The following PDE4A variants were observed in gnomAD, a reference collection of about 807,000 sequenced individuals.
The protein encoded by PDE4A is 3',5'-cyclic-AMP phosphodiesterase 4A.
Under a neutral mutation model 73.9 loss-of-function variants are expected in PDE4A, and 21 were observed. That is an observed-to-expected ratio of 0.28 (90% CI 0.20 to 0.41). PDE4A has a LOEUF of 0.41. PDE4A is among the 10% of genes least tolerant of loss of function. PDE4A has a pLI of 1.00. For synonymous variants in PDE4A, 463 were observed against 505.4 expected, an observed-to-expected ratio of 0.92 and a Z score of 1.13; for missense variants, 958 against 1,211.4, an observed-to-expected ratio of 0.79 and a Z score of 3.10.
upstream of PDE4A, chr19:10,417,966 C>A: frequency 7.4e-7 from 1 of 1,348,636 alleles, no homozygotes; most frequent in Non-Finnish European, 1.0e-6. Context: ...ATGCTCCCTG[C>A]CGTTTGCAAA....
Position 10,461,657 on chromosome 19 carries a change from C to T in PDE4A, c.1597C>T (p.Leu533=), listed in dbSNP as rs1411797345. The change falls in exon 12 of 15, where the codon CTA becomes TTA. Residue 533 remains leucine (L), a synonymous_variant. Coordinates refer to ENST00000380702, the MANE Select transcript of PDE4A (RefSeq NM_001111307.2). ...CCTCAGCAAGCGCCAGCGGCAGAGCCTACGCAAGATGGTCATCGACATGGT... is the reference window on the plus strand; with the variant it reads ...CCTCAGCAAGCGCCAGCGGCAGAGCTTACGCAAGATGGTCATCGACATGGT... The part of the protein sequence containing the change: ...QNLSKRQRQS[L]RKMVIDMVLA... The T allele has an allele frequency of 1.9e-6, 3 of 1,545,550 alleles. 1 individual carries two copies. In the South Asian group the frequency reaches 3.3e-5, roughly 17 times the overall value.
intron 1 of PDE4A, among the ~76,000 whole-genome samples, chr19:10,445,757 C>T (rs187850968): frequency 7.0e-5 from 10 of 142,306 alleles, no homozygotes; most frequent in African/African-American, 1.3e-4. Flanking sequence ...GGCCACAGAG[C>T]GAGACCATAC....
chr19:10,426,136 G>A (rs114693890), intron 1 of PDE4A, among the ~76,000 whole-genome samples: 3,295 of 152,078 alleles, frequency 0.022, 118 homozygotes, highest in African/African-American at 0.074. Context: ...TTTGAGACCA[G>A]CCTGGGCAGC....
chr19:10,468,280 T>A lies in PDE4A; in HGVS notation c.*659T>A, dbSNP rs1318190328. 6.6e-6 allele frequency: 1 copy of A among 152,440 alleles called. No individual in the cohort carries two copies. The highest frequency in any genetic ancestry group is 1.5e-5 in the Non-Finnish European group (1 of 67,992). 9.4% of individuals were successfully genotyped at this position (152,440 alleles called of 1,614,324 possible). Reference sequence around the variant, plus strand: ...ATCCCGGCGATACTCCTGGCGATACTGACTAGAAAGTCAGGGAGCTGGGGG... The same window carrying A: ...ATCCCGGCGATACTCCTGGCGATACAGACTAGAAAGTCAGGGAGCTGGGGG... On this transcript the variant is annotated 3_prime_UTR_variant, in exon 15 of 15. Transcript: ENST00000380702.
chr19:10,456,131 C>T (rs991972265), intron 7 of PDE4A, among the ~76,000 whole-genome samples: 12 of 151,906 alleles, frequency 7.9e-5, no homozygotes, highest in African/African-American at 2.2e-4. Flanking sequence ...CAGCTCTTGC[C>T]TATAATCCCA....
At chr19:10,433,467 C>T (rs1742240904) in intron 1 of PDE4A, among the ~76,000 whole-genome samples, 1 of 152,050 alleles carries the variant, frequency 6.6e-6, no homozygotes, top group African/African-American at 2.4e-5. Context: ...CACCCCGTGC[C>T]CACACAGGGG....
intron 1 of PDE4A, among the ~76,000 whole-genome samples, chr19:10,434,735 C>T (rs777366996): frequency 8.6e-5 from 13 of 151,862 alleles, no homozygotes; most frequent in East Asian, 1.9e-4. Flanking sequence ...GGATTACAAG[C>T]GCCCCGCCAC....
Position 10,420,734 on chromosome 19 carries a change from GC to G in PDE4A, c.-26del. 6.6e-7 allele frequency: 1 copy of G among 1,507,082 alleles called. No individual in the cohort carries two copies. The highest frequency in any genetic ancestry group is 1.3e-5 in the South Asian group (1 of 78,256). The allele number at this position is 1,507,082 out of a possible 1,614,324, so 93.4% of individuals were successfully genotyped here. A position where few individuals can be genotyped will look rare whatever the true frequency, so the allele number is the denominator to read the frequency against. ...CGGGGTGTAGGTTGGAAGGGCCAGG[GC>G]CCCCTGGGGCGCAAGTGGGGGCCGG... On this transcript the variant is annotated 5_prime_UTR_variant, in exon 1 of 15. Coordinates refer to ENST00000380702, the MANE Select transcript of PDE4A (RefSeq NM_001111307.2). The surrounding 1 kb of genome is among the most constrained non-coding windows in gnomAD (Gnocchi z 6.0).
At chr19:10,437,179 A>G (rs1307616009) in intron 1 of PDE4A, among the ~76,000 whole-genome samples, 1 of 152,090 alleles carries the variant, frequency 6.6e-6, no homozygotes, top group African/African-American at 2.4e-5. Context: ...GCTGCAGTGC[A>G]GTGGCTCGAT....
At position 10,424,285 on chromosome 19, in the gene PDE4A, C is replaced by T. The variant is rs1003790676; in HGVS notation, c.320+3201C>T. Among the ~76,000 whole-genome samples, 4 of 152,310 alleles carry T rather than the reference C, an allele frequency of 2.6e-5. No homozygotes were observed. The South Asian group carries it at 8.3e-4, about 32-fold the overall frequency. ...GGACGGGGCCAACATACGGACCCTGCGTCCCCCCTCCCTGGGCCCTAAAAC... is the reference window on the plus strand; with the variant it reads ...GGACGGGGCCAACATACGGACCCTGTGTCCCCCCTCCCTGGGCCCTAAAAC... On this transcript the variant is annotated intron_variant, in intron 1 of 14. Coordinates refer to ENST00000380702, the MANE Select transcript of PDE4A (RefSeq NM_001111307.2). This position sits in a 1 kb window ranked among gnomAD's most constrained non-coding sequence, Gnocchi z 4.8.
chr19:10,430,862 C>A, intron 1 of PDE4A: 1 of 1,348,394 alleles, frequency 7.4e-7, no homozygotes, highest in Non-Finnish European at 9.5e-7. Flanking sequence ...GGCCGCGCGG[C>A]CTAGGCCGCA....
At chr19:10,448,731 C>A (rs2043048150) in intron 2 of PDE4A, 186 bp from the exon 3 acceptor site, 1 of 779,338 alleles carries the variant, frequency 1.3e-6, no homozygotes. Flanking sequence ...CACTCCTTGA[C>A]TGCCATTTCT....
At chr19:10,452,665 A>G (rs887596532) in intron 6 of PDE4A, among the ~76,000 whole-genome samples, 1 of 151,680 alleles carries the variant, frequency 6.6e-6, no homozygotes, top group African/African-American at 2.4e-5. Flanking sequence ...GCATTTGAGT[A>G]TCTGTGTATA....
chr19:10,462,012 C>T lies in PDE4A; in HGVS notation c.1743+13C>T. 6.2e-7 allele frequency: 1 copy of T among 1,608,014 alleles called. No individual in the cohort carries two copies. Reference sequence around the variant, plus strand: ...CGACCGCATCCAGGTGCCCCCACGCCCCATCATCTAAGGAGGGAGGACACT... The same window carrying T: ...CGACCGCATCCAGGTGCCCCCACGCTCCATCATCTAAGGAGGGAGGACACT... On this transcript the variant is annotated intron_variant, in intron 13 of 14. Coordinates refer to ENST00000380702, the MANE Select transcript of PDE4A (RefSeq NM_001111307.2).
intron 6 of PDE4A, among the ~76,000 whole-genome samples, chr19:10,452,330 T>G (rs2569757): frequency 1 from 151,767 of 151,936 alleles, 75,799 homozygotes; most frequent in East Asian, 1. Flanking sequence ...CCAACTACTC[T>G]GGAGGCTGAG....
chr19:10,423,157 CTTTTTTTTTTT>C (rs61513692), intron 1 of PDE4A: 7 of 756,038 alleles, frequency 9.3e-6, no homozygotes, highest in African/African-American at 2.4e-5. Flanking sequence ...AACCCTTTCT[CTTTTTTTTTTT>C]TTTTTTTTTT....
Position 10,453,175 on chromosome 19 carries a change from C to T in PDE4A, c.784-1654C>T, listed in dbSNP as rs932479042. On this transcript the variant is annotated intron_variant, in intron 6 of 14. Transcript: ENST00000380702. This position sits in a 1 kb window ranked among gnomAD's most constrained non-coding sequence, Gnocchi z 4.6. ...CTCCCCCTTCCACTACCCACCTGCC[C>T]GGCACCCCCTCCCCAGTGGTTGTTA... The T allele has an allele frequency of 2.6e-5, 39 of 1,477,462 alleles. No individual in the cohort carries two copies. In the South Asian group the frequency reaches 3.0e-4, roughly 11 times the overall value. 91.5% of individuals were successfully genotyped at this position (1,477,462 alleles called of 1,614,324 possible). A position where few individuals can be genotyped will look rare whatever the true frequency, so the allele number is the denominator to read the frequency against.
Position 10,467,053 on chromosome 19 carries a change from CA to C in PDE4A, c.2094del (p.Gly699AlafsTer13). 6.2e-7 allele frequency: 1 copy of C among 1,614,152 alleles called. No homozygotes were observed. The highest frequency in any genetic ancestry group is 8.5e-7 in the Non-Finnish European group (1 of 1,180,030). ...CCACCCGAGGAGGAGTCAAGGGGGC[CA>C]GGCCACCCACCCCTGCCTGACAAGT... Reference protein sequence around the residue: ...SPPPEEESRGPGHPPLPDKFQ... With the variant: ...SPPPEEESRGXGHPPLPDKFQ... On this transcript the variant is annotated frameshift_variant, in exon 15 of 15. Transcript: ENST00000380702. LOFTEE classifies it low-confidence loss of function (END_TRUNC).
chr19:10,468,326 G>T lies in PDE4A; in HGVS notation c.*705G>T, dbSNP rs191299578. Reference sequence around the variant, plus strand: ...GGGGGAGCTGTTCACTTTAGGATACGGGGGTGGTATGGAAGGGAGCGTTCA... The same window carrying T: ...GGGGGAGCTGTTCACTTTAGGATACTGGGGTGGTATGGAAGGGAGCGTTCA... On this transcript the variant is annotated 3_prime_UTR_variant, in exon 15 of 15. Transcript: ENST00000380702. 1.3e-5 allele frequency: 2 copies of T among 152,562 alleles called. No homozygotes were observed. Among genetic ancestry groups the T allele is most frequent in the Admixed American group, 6.6e-5 (1 of 15,230 alleles). The allele number at this position is 152,562 out of a possible 1,614,324, so 9.5% of individuals were successfully genotyped here.
Sources: allele counts gnomAD v4.1 joint callset (sites outside exome capture counted in the v4.1 genomes callset), GRCh38; gene constraint gnomAD v4.1.1; non-coding constraint Gnocchi (gnomAD v3.1); transcripts MANE v1.5; gene names NCBI Gene and HGNC (gene_info 2026-07-23, HGNC 2026-07-21).